RALA: variants seen among roughly 807,000 people sequenced by gnomAD.
RALA encodes RAS like proto-oncogene A.
A neutral mutation model predicts 24.0 loss-of-function variants in RALA; 5 were observed. That is an observed-to-expected ratio of 0.21 (90% CI 0.11 to 0.44). RALA has a LOEUF of 0.44. RALA is among the 20% of genes least tolerant of loss of function. The pLI, the probability that RALA is intolerant of heterozygous loss-of-function variation, is 0.99. For missense variants in RALA, 95 were observed against 241.2 expected, an observed-to-expected ratio of 0.39 and a Z score of 4.01; for synonymous variants, 77 against 83.8, an observed-to-expected ratio of 0.92 and a Z score of 0.44.
chr7:39,668,469 T>TAC (rs1792322930), intron 1 of RALA, among the ~76,000 whole-genome samples: 1 of 152,166 alleles, frequency 6.6e-6, no homozygotes, highest in African/African-American at 2.4e-5. Flanking sequence ...GATGATATAT[T>TAC]ACATAGCCAT....
chr7:39,685,783 T>C (rs1583748748), intron 1 of RALA, among the ~76,000 whole-genome samples: 1 of 152,234 alleles, frequency 6.6e-6, no homozygotes, highest in East Asian at 1.9e-4. Context: ...TACCACCAAG[T>C]TGTTGGGATG....
At chr7:39,687,255 G>A (rs1428486671) in intron 2 of RALA, among the ~76,000 whole-genome samples, 16 of 152,104 alleles carry the variant, frequency 1.1e-4, no homozygotes, top group Admixed American at 6.6e-4. Context: ...GTGAAACCCC[G>A]TCTATACTAA....
At chr7:39,693,622 A>G (rs986850111) in intron 3 of RALA, among the ~76,000 whole-genome samples, 2 of 152,242 alleles carry the variant, frequency 1.3e-5, no homozygotes, top group Non-Finnish European at 2.9e-5. Flanking sequence ...GAAACTGGTT[A>G]AGAAAGTCAC....
intron 1 of RALA, among the ~76,000 whole-genome samples, chr7:39,675,291 CCACATGAGGT>C (rs372719304): frequency 2.6e-4 from 40 of 152,280 alleles, no homozygotes; most frequent in African/African-American, 8.7e-4. Flanking sequence ...TGCGTTTTGA[CCACATGAGGT>C]CACATGAGGT....
At chr7:39,624,919 C>T (rs1312662139) in intron 1 of RALA, among the ~76,000 whole-genome samples, 1 of 152,112 alleles carries the variant, frequency 6.6e-6, no homozygotes, top group Admixed American at 6.6e-5. Context: ...GTCTTATTAG[C>T]TCATGTTTTT....
intron 1 of RALA, among the ~76,000 whole-genome samples, chr7:39,673,167 G>A (rs893704082): frequency 2.0e-5 from 3 of 151,996 alleles, no homozygotes; most frequent in Non-Finnish European, 4.4e-5. Context: ...CAGCCTGGGC[G>A]ACAGAGCGAG....
intron 1 of RALA, among the ~76,000 whole-genome samples, chr7:39,680,562 C>T (rs1168134426): frequency 1.3e-5 from 2 of 148,340 alleles, no homozygotes; most frequent in Admixed American, 6.7e-5. Context: ...GGTGACAGAG[C>T]GAGACTGTCT....
chr7:39,655,831 T>TTCTGTAATTA (rs1792087242), intron 1 of RALA, among the ~76,000 whole-genome samples: 1 of 152,098 alleles, frequency 6.6e-6, no homozygotes, highest in Non-Finnish European at 1.5e-5. Flanking sequence ...ATATTATTAA[T>TTCTGTAATTA]AGAAATTACA....
At chr7:39,696,032 A>C (rs142637409) in intron 3 of RALA, among the ~76,000 whole-genome samples, 15 of 152,328 alleles carry the variant, frequency 9.8e-5, no homozygotes, top group African/African-American at 3.6e-4. Flanking sequence ...TTTATAGATG[A>C]GGAAACTGAG....
At chr7:39,646,314 A>G (rs1270652439) in intron 1 of RALA, among the ~76,000 whole-genome samples, 1 of 151,714 alleles carries the variant, frequency 6.6e-6, no homozygotes, top group Non-Finnish European at 1.5e-5. Flanking sequence ...GCCAAAAATA[A>G]AAAATAAAAA....
Position 39,672,789 on chromosome 7 carries a change from C to T in RALA, c.-37-13842C>T, listed in dbSNP as rs1233422267. On this transcript the variant is annotated intron_variant, in intron 1 of 4. Transcript: ENST00000005257. ...AAGGCAGAACAGTAAGGCCTGAAAT[C>T]CTATCAGTGGCTGCCAGGGTGATGG... 4.6e-5 allele frequency among the ~76,000 whole-genome samples: 7 copies of T among 152,190 alleles called. 1 individual carries two copies. In the East Asian group the frequency reaches 1.3e-3, roughly 29 times the overall value.
intron 1 of RALA, among the ~76,000 whole-genome samples, chr7:39,656,028 C>T (rs1165110144): frequency 6.6e-6 from 1 of 152,136 alleles, no homozygotes; most frequent in Non-Finnish European, 1.5e-5. Flanking sequence ...CATAAAAAGG[C>T]AGGCAGTATT....
At chr7:39,631,334 T>A (rs1203587825) in intron 1 of RALA, among the ~76,000 whole-genome samples, 1 of 151,898 alleles carries the variant, frequency 6.6e-6, no homozygotes, top group Non-Finnish European at 1.5e-5. Flanking sequence ...TGGGATCACA[T>A]TGAACTTATA....
chr7:39,652,339 C>A (rs1237179371), intron 1 of RALA, among the ~76,000 whole-genome samples: 1 of 152,144 alleles, frequency 6.6e-6, no homozygotes, highest in Non-Finnish European at 1.5e-5. Flanking sequence ...ACTGTAATAG[C>A]CATTCCCCAC....
intron 1 of RALA, among the ~76,000 whole-genome samples, chr7:39,676,372 A>G (rs1792488041): frequency 6.6e-6 from 1 of 152,294 alleles, no homozygotes; most frequent in South Asian, 2.1e-4. Context: ...TTACCAGCCA[A>G]TATTTTTATT....
intron 1 of RALA, among the ~76,000 whole-genome samples, chr7:39,667,288 A>G (rs1004110181): frequency 6.6e-5 from 10 of 152,216 alleles, no homozygotes; most frequent in Non-Finnish European, 1.3e-4. Context: ...GTTCATGGTA[A>G]TGAAAGCCAG....
chr7:39,682,027 T>G (rs1311270382), intron 1 of RALA, among the ~76,000 whole-genome samples: 1 of 152,228 alleles, frequency 6.6e-6, no homozygotes, highest in East Asian at 1.9e-4. Context: ...CAAAATGTAT[T>G]CCAAATAACA....
rs139292108 is a variant in RALA at position 39,655,025 on chromosome 7, A to G, written c.-38+31200A>G. Among the ~76,000 whole-genome samples the G allele has an allele frequency of 2.0e-3, 309 of 152,370 alleles. 1 individual carries two copies. The highest frequency in any genetic ancestry group is 7.0e-3 in the African/African-American group (290 of 41,582). ...TGGCCTCCCAAAATGCTGGGATTAT[A>G]GTCATGAGCCACCACGCCCAGCCTC... On this transcript the variant is annotated intron_variant, in intron 1 of 4. Transcript: ENST00000005257.
chr7:39,693,909 A>G (rs566853142), intron 3 of RALA, among the ~76,000 whole-genome samples: 1 of 152,378 alleles, frequency 6.6e-6, no homozygotes, highest in South Asian at 2.1e-4. Flanking sequence ...CCTATAGTCT[A>G]TTCACATTAG....
Sources: allele counts gnomAD v4.1 joint callset (sites outside exome capture counted in the v4.1 genomes callset), GRCh38; gene constraint gnomAD v4.1.1; transcripts MANE v1.5; gene names NCBI Gene and HGNC (gene_info 2026-07-23, HGNC 2026-07-21).